The following LIPA variants were observed in gnomAD, a reference collection of about 807,000 sequenced individuals.
LIPA encodes lysosomal acid lipase/cholesteryl ester hydrolase.
A neutral mutation model predicts 40.6 loss-of-function variants in LIPA; 26 were observed. That is an observed-to-expected ratio of 0.64 (90% CI 0.47 to 0.89). The LOEUF is 0.89. Among genes scored for constraint, LIPA ranks in the 40% least tolerant of loss-of-function variants. LIPA has a pLI of 0.00. For missense variants in LIPA, 455 were observed against 479.6 expected (o/e 0.95, Z 0.48); for synonymous variants, 188 against 168.4 (o/e 1.12, Z -0.90).
intron 1 of LIPA, chr10:89,306,209 C>T (rs762454231): frequency 6.2e-7 from 1 of 1,614,164 alleles, no homozygotes; most frequent in South Asian, 1.1e-5. Flanking sequence ...CCAGCAAGAG[C>T]ATGCTGACCA....
chr10:89,393,058 T>C (rs1450527398), intron 2 of LIPA: 3 of 1,005,404 alleles, frequency 3.0e-6, no homozygotes, highest in South Asian at 2.9e-5. Flanking sequence ...CTGTCTGATA[T>C]GGGGAAGGAA....
chr10:89,358,462 C>A lies in LIPA; in HGVS notation c.61+54329G>T, dbSNP rs79170103. On this transcript the variant is annotated intron_variant, in intron 2 of 8. Transcript: ENST00000371837. ...AAAAATTGACATCAAGTTATCAAAG[C>A]GATATCTGTATTCTCATGTTCATTG... is the stretch of plus-strand genomic sequence containing the variant. Among the ~76,000 whole-genome samples, 260 of 152,220 alleles carry A rather than the reference C, an allele frequency of 1.7e-3. 5 individuals carry two copies. The East Asian group carries it at 0.043, about 25-fold the overall frequency.
At chr10:89,328,839 G>A (rs1017472420) in intron 1 of LIPA, among the ~76,000 whole-genome samples, 1 of 152,178 alleles carries the variant, frequency 6.6e-6, no homozygotes, top group African/African-American at 2.4e-5. Flanking sequence ...GTGGTTGCCT[G>A]GAGATGGTGG....
intron 8 of LIPA, among the ~76,000 whole-genome samples, chr10:89,216,424 T>TAA (rs1413321081): frequency 6.7e-6 from 1 of 149,150 alleles, no homozygotes; most frequent in African/African-American, 2.5e-5. Context: ...TATATATATA[T>TAA]AATAGAGAGA....
intron 1 of LIPA, among the ~76,000 whole-genome samples, chr10:89,321,584 G>A (rs1293402790): frequency 2.6e-5 from 4 of 152,232 alleles, no homozygotes; most frequent in African/African-American, 4.8e-5. Context: ...TGCTAGAGAG[G>A]ATGTGGAGAA....
intron 1 of LIPA, among the ~76,000 whole-genome samples, chr10:89,280,027 T>G (rs912539088): frequency 2.0e-5 from 3 of 152,138 alleles, no homozygotes; most frequent in Non-Finnish European, 4.4e-5. Flanking sequence ...AAAAATACAT[T>G]AATTAAACAT....
In LIPA at chr10:89,238,543, C is replaced by T. The variant is rs560922609; in HGVS notation, c.229+7133G>A. On this transcript the variant is annotated intron_variant, in intron 3 of 9. Transcript: ENST00000336233. ...TTTCATAAAGTTACCCTGAATGTGC[C>T]CACTTCTCCTGTCTCCCCTTCCACT... 3.3e-5 allele frequency among the ~76,000 whole-genome samples: 5 copies of T among 152,170 alleles called. No homozygotes were observed. The East Asian group carries it at 9.6e-4, about 29-fold the overall frequency.
At chr10:89,218,974 A>C (rs1036424693) in intron 8 of LIPA, among the ~76,000 whole-genome samples, 2 of 152,248 alleles carry the variant, frequency 1.3e-5, no homozygotes, top group Admixed American at 1.3e-4. Flanking sequence ...GGAAATGATT[A>C]TATTACAAAA....
At chr10:89,292,976 T>C (rs983950462) in intron 1 of LIPA, among the ~76,000 whole-genome samples, 2 of 152,078 alleles carry the variant, frequency 1.3e-5, no homozygotes, top group African/African-American at 4.8e-5. Context: ...AATGAAGAAA[T>C]TGAGGCACAG....
At chr10:89,238,108 A>G (rs1188701989) in intron 3 of LIPA, among the ~76,000 whole-genome samples, 1 of 152,260 alleles carries the variant, frequency 6.6e-6, no homozygotes, top group Non-Finnish European at 1.5e-5. Context: ...ATGACTTCAC[A>G]GTATCCATAT....
intron 3 of LIPA, among the ~76,000 whole-genome samples, chr10:89,234,409 GAGGA>G (rs1332197279): frequency 6.6e-6 from 1 of 152,234 alleles, no homozygotes; most frequent in Admixed American, 6.5e-5. Context: ...GGGAGATGCA[GAGGA>G]TATAACTTAC....
rs1013837899 is a variant in LIPA, at chr10:89,311,336, A to G, written c.-2+31275T>C. 9.9e-5 allele frequency among the ~76,000 whole-genome samples: 15 copies of G among 152,208 alleles called. No individual in the cohort carries two copies. In the South Asian group the frequency reaches 1.2e-3, roughly 13 times the overall value. The stretch of plus-strand genomic sequence containing the variant: ...TCAGGAGTTCCAGACCAGCCTGATC[A>G]ATATGGTGAAACCCCATCTCTACCA... On this transcript the variant is annotated intron_variant, in intron 1 of 5. Transcript: ENST00000282673.
intron 3 of LIPA, among the ~76,000 whole-genome samples, chr10:89,243,066 A>G (rs1248055983): frequency 6.6e-6 from 1 of 152,162 alleles, no homozygotes; most frequent in Non-Finnish European, 1.5e-5. Context: ...TTAATAATAG[A>G]GGAGGAAGTC....
intron 1 of LIPA, chr10:89,339,986 G>A (rs755384820): frequency 7.4e-6 from 12 of 1,614,072 alleles, no homozygotes; most frequent in East Asian, 4.5e-5. Context: ...GAACTGGGCC[G>A]CCTGCTAAGG....
At chr10:89,224,851 C>G (rs997409810) in intron 6 of LIPA, among the ~76,000 whole-genome samples, 8 of 152,262 alleles carry the variant, frequency 5.3e-5, no homozygotes, top group Non-Finnish European at 7.4e-5. Flanking sequence ...GTGAGGTGGG[C>G]AGAGCTGTAC....
intron 9 of LIPA, among the ~76,000 whole-genome samples, chr10:89,215,313 G>C (rs1842610671): frequency 6.6e-6 from 1 of 152,192 alleles, no homozygotes; most frequent in Non-Finnish European, 1.5e-5. Flanking sequence ...GCACCAAAAT[G>C]AATGTTTAAT....
intron 2 of LIPA, among the ~76,000 whole-genome samples, chr10:89,352,870 A>T (rs1843967370): frequency 1.3e-5 from 2 of 151,504 alleles, no homozygotes; most frequent in South Asian, 4.2e-4. Context: ...CAATATCTTT[A>T]CCCTAAAAAC....
At chr10:89,353,527 T>C (rs1843971249) in intron 2 of LIPA, among the ~76,000 whole-genome samples, 1 of 149,506 alleles carries the variant, frequency 6.7e-6, no homozygotes, top group Non-Finnish European at 1.5e-5. Context: ...AAAGGTTAAA[T>C]GAAATAACAA....
intron 2 of LIPA, chr10:89,392,518 C>G (rs1384024878): frequency 1.1e-5 from 3 of 265,396 alleles, no homozygotes; most frequent in African/African-American, 6.7e-5. Flanking sequence ...TTCACTTTCC[C>G]CTTTCGGTTT....
Sources: gnomAD v4.1 joint callset for allele counts (sites outside exome capture counted in the v4.1 genomes callset) on GRCh38, gnomAD v4.1.1 for gene constraint, MANE v1.5 for transcripts, NCBI Gene and HGNC (gene_info 2026-07-23, HGNC 2026-07-21) for gene names.